PHACTR1: variants seen among roughly 807,000 people sequenced by gnomAD.
PHACTR1 encodes RPEL repeat containing 1.
Under a neutral mutation model 69.2 loss-of-function variants are expected in PHACTR1, and 16 were observed. The observed-to-expected ratio is 0.23, with a 90% CI of 0.16 to 0.35. The LOEUF (loss-of-function observed/expected upper bound fraction) is 0.35. PHACTR1 is among the 10% of genes least tolerant of loss of function. The pLI, the probability that PHACTR1 is intolerant of heterozygous loss-of-function variation, is 1.00. For synonymous variants in PHACTR1, 312 were observed against 284.5 expected (o/e 1.10, Z -0.97); for missense variants, 510 against 734.7 (o/e 0.69, Z 3.54).
chr6:13,064,709 T>G (rs1374091619), intron 5 of PHACTR1, among the ~76,000 whole-genome samples: 2 of 146,914 alleles, frequency 1.4e-5, no homozygotes, highest in Non-Finnish European at 1.5e-5. Context: ...TCTGCACAGA[T>G]GAGGAGACGT....
At chr6:13,087,506 G>C (rs1455046008) in intron 5 of PHACTR1, among the ~76,000 whole-genome samples, 1 of 151,836 alleles carries the variant, frequency 6.6e-6, no homozygotes, top group East Asian at 1.9e-4. Context: ...GTTAACATCA[G>C]ACAATTTATT....
intron 5 of PHACTR1, among the ~76,000 whole-genome samples, chr6:13,131,281 A>G (rs149319122): frequency 7.6e-4 from 116 of 152,098 alleles, no homozygotes; most frequent in African/African-American, 2.6e-3. Context: ...AAGGAATGAA[A>G]TAATGGCATT....
At chr6:12,899,767 A>C (rs1785007494) in intron 4 of PHACTR1, among the ~76,000 whole-genome samples, 2 of 152,242 alleles carry the variant, frequency 1.3e-5, no homozygotes, top group African/African-American at 4.8e-5. Context: ...ATTGTTGAGG[A>C]AAGTGTATGA....
chr6:12,804,380 G>A (rs1279454687), intron 4 of PHACTR1, among the ~76,000 whole-genome samples: 3 of 152,172 alleles, frequency 2.0e-5, no homozygotes, highest in Non-Finnish European at 4.4e-5. Context: ...TACTTGGAAT[G>A]GCCCAGCGGG....
chr6:13,272,953 T>C, intron 11 of PHACTR1, 38 bp downstream of exon 11: 3 of 1,610,572 alleles, frequency 1.9e-6, no homozygotes, highest in Non-Finnish European at 2.5e-6. Context: ...TGATGTTTTG[T>C]GGCGGCTTTT....
intron 6 of PHACTR1, among the ~76,000 whole-genome samples, chr6:13,163,258 A>G (rs1205843517): frequency 6.6e-6 from 1 of 152,198 alleles, no homozygotes; most frequent in Non-Finnish European, 1.5e-5. Context: ...AAGGAAATAA[A>G]TAAGTAAATC....
chr6:13,097,957 G>C (rs1351772462), intron 5 of PHACTR1, among the ~76,000 whole-genome samples: 5 of 152,086 alleles, frequency 3.3e-5, no homozygotes, highest in Non-Finnish European at 7.4e-5. Context: ...ATGTCCCTCT[G>C]CTTTTTAAAG....
chr6:13,278,449 G>A (rs1341429844), intron 12 of PHACTR1, 120 bp downstream of exon 12: 1 of 830,502 alleles, frequency 1.2e-6, no homozygotes, highest in Non-Finnish European at 1.9e-6. Context: ...CTGTGTCAGA[G>A]AGTGCCACTC....
At chr6:12,903,687 G>A (rs1005203093) in intron 4 of PHACTR1, among the ~76,000 whole-genome samples, 9 of 152,162 alleles carry the variant, frequency 5.9e-5, no homozygotes, top group African/African-American at 1.9e-4. Context: ...CTTTATTAAA[G>A]GTAATAAATA....
chr6:13,110,661 A>G (rs965636592), intron 5 of PHACTR1, among the ~76,000 whole-genome samples: 5 of 152,194 alleles, frequency 3.3e-5, no homozygotes, highest in Non-Finnish European at 7.3e-5. Context: ...TGGTATTCCC[A>G]TTCCTGTACC....
intron 4 of PHACTR1, among the ~76,000 whole-genome samples, chr6:12,979,934 A>G (rs1263825922): frequency 1.3e-5 from 2 of 152,204 alleles, no homozygotes; most frequent in African/African-American, 4.8e-5. Context: ...CACCCAGAAA[A>G]TGGCTCTCCA....
chr6:12,893,586 C>T (rs954539714), intron 4 of PHACTR1, among the ~76,000 whole-genome samples: 28 of 152,110 alleles, frequency 1.8e-4, no homozygotes, highest in African/African-American at 6.3e-4. Context: ...ACCTGCTGTA[C>T]CCCTAGCCTC....
At position 13,064,588 on chromosome 6, in the gene PHACTR1, ATATATATATATATATATC is replaced by A. The variant is rs1315681585; in HGVS notation, c.415+11067_415+11084del. ...TATATATATATATATATATATATATATATATATATATATATATCTATATATCTATCTATCCACACTTGC... is the reference window on the plus strand; with the variant it reads ...TATATATATATATATATATATATATATATATATCTATCTATCCACACTTGC... On this transcript the variant is annotated intron_variant, in intron 5 of 14. Transcript: ENST00000332995. Among the ~76,000 whole-genome samples the A allele has an allele frequency of 5.4e-3, 46 of 8,486 alleles. 6 individuals are homozygous for A. The highest frequency in any genetic ancestry group is 0.014 in the South Asian group (3 of 214). The allele number at this position is 8,486 out of a possible 152,430, so 5.6% of individuals were successfully genotyped here. A position where few individuals can be genotyped will look rare whatever the true frequency, so the allele number is the denominator to read the frequency against.
rs377051460 is a variant in PHACTR1 at position 13,075,466 on chromosome 6, T to G, written c.415+21937T>G. 1.3e-4 allele frequency among the ~76,000 whole-genome samples: 20 copies of G among 152,290 alleles called. No individual in the cohort carries two copies. The South Asian group carries it at 4.1e-3, about 32-fold the overall frequency. ...GTAATGACCCTGGTACTGTTGCTTGTTACTGACTTGAGGTTCTTTTAGTTC... is the reference window on the plus strand; with the variant it reads ...GTAATGACCCTGGTACTGTTGCTTGGTACTGACTTGAGGTTCTTTTAGTTC... On this transcript the variant is annotated intron_variant, in intron 5 of 14. Coordinates refer to ENST00000332995, the MANE Select transcript of PHACTR1 (RefSeq NM_030948.6).
At chr6:13,190,361 A>G (rs923832175) in intron 7 of PHACTR1, among the ~76,000 whole-genome samples, 1 of 151,836 alleles carries the variant, frequency 6.6e-6, no homozygotes, top group African/African-American at 2.4e-5. Flanking sequence ...AAGGACATTA[A>G]TCTTATCATA....
chr6:12,887,319 G>A (rs1038324188), intron 4 of PHACTR1, among the ~76,000 whole-genome samples: 1 of 152,168 alleles, frequency 6.6e-6, no homozygotes, highest in Non-Finnish European at 1.5e-5. Flanking sequence ...GACAGTAAAG[G>A]GAGGCTTAAC....
intron 4 of PHACTR1, among the ~76,000 whole-genome samples, chr6:12,792,840 C>CTTT (rs58524663): frequency 1.7e-4 from 21 of 120,404 alleles, no homozygotes; most frequent in East Asian, 7.6e-4. Flanking sequence ...TAAAGAGAAG[C>CTTT]TTTTTTTTTT....
At chr6:12,832,549 G>A (rs1777698088) in intron 4 of PHACTR1, among the ~76,000 whole-genome samples, 1 of 151,770 alleles carries the variant, frequency 6.6e-6, no homozygotes, top group Admixed American at 6.6e-5. Flanking sequence ...TTTCAACCTG[G>A]CCTTGGTAAC....
intron 3 of PHACTR1, among the ~76,000 whole-genome samples, chr6:12,743,189 G>GAAAAAAAAAAAAA (rs56962574): frequency 7.3e-6 from 1 of 136,748 alleles, no homozygotes; most frequent in Non-Finnish European, 1.6e-5. Flanking sequence ...TAAATTGCAG[G>GAAAAAAAAAAAAA]AAAAAAAAAA....
Sources: gnomAD v4.1 joint callset for allele counts (sites outside exome capture counted in the v4.1 genomes callset) on GRCh38, gnomAD v4.1.1 for gene constraint, MANE v1.5 for transcripts, NCBI Gene and HGNC (gene_info 2026-07-23, HGNC 2026-07-21) for gene names.